Variants in MARCHF3 observed in about 807,000 individuals in gnomAD.
MARCHF3 encodes the protein E3 ubiquitin-protein ligase MARCHF3.
A neutral mutation model predicts 24.2 loss-of-function variants in MARCHF3; 13 were observed. The observed-to-expected ratio is 0.54, with a 90% CI of 0.35 to 0.85. The LOEUF (loss-of-function observed/expected upper bound fraction) is 0.85. Among genes scored for constraint, MARCHF3 ranks in the 40% least tolerant of loss-of-function variants. The probability of loss-of-function intolerance (pLI) is 0.01; values close to 1 mark genes in which losing one functional copy is unlikely to be tolerated. For missense variants in MARCHF3, 276 were observed against 325.0 expected (o/e 0.85, Z 1.16); for synonymous variants, 144 against 137.3 (o/e 1.05, Z -0.34).
intron 1 of MARCHF3, among the ~76,000 whole-genome samples, chr5:126,991,269 A>G (rs934658348): frequency 5.3e-5 from 8 of 152,182 alleles, no homozygotes; most frequent in Non-Finnish European, 1.0e-4. Context: ...GAAGCTGGAA[A>G]CCATCATTCT....
intron 1 of MARCHF3, among the ~76,000 whole-genome samples, chr5:127,002,484 A>G (rs1752161643): frequency 6.6e-6 from 1 of 152,232 alleles, no homozygotes; most frequent in Admixed American, 6.5e-5. Context: ...TACACATATA[A>G]AAGATCTACA....
chr5:126,882,131 G>A (rs1753361467), intron 3 of MARCHF3, among the ~76,000 whole-genome samples: 1 of 152,226 alleles, frequency 6.6e-6, no homozygotes, highest in African/African-American at 2.4e-5. Context: ...GAGATAGCAA[G>A]TGGGTATCAG....
At chr5:126,949,523 C>T (rs1345651073) in intron 1 of MARCHF3, among the ~76,000 whole-genome samples, 1 of 152,120 alleles carries the variant, frequency 6.6e-6, no homozygotes, top group Non-Finnish European at 1.5e-5. Context: ...GAGCTAGAAC[C>T]CTCGCTGTAA....
chr5:126,876,700 G>C (rs912271005), intron 4 of MARCHF3, among the ~76,000 whole-genome samples: 1 of 151,980 alleles, frequency 6.6e-6, no homozygotes, highest in Admixed American at 6.6e-5. Context: ...ACCAAGGCTG[G>C]AGTACAGTGG....
At chr5:127,010,207 T>C (rs1752432349) in intron 1 of MARCHF3, among the ~76,000 whole-genome samples, 1 of 152,188 alleles carries the variant, frequency 6.6e-6, no homozygotes, top group Admixed American at 6.5e-5. Context: ...TAACTACAAT[T>C]AGGTAACCAA....
chr5:126,879,090 G>C (rs887725425), intron 3 of MARCHF3, among the ~76,000 whole-genome samples: 1 of 152,168 alleles, frequency 6.6e-6, no homozygotes, highest in Admixed American at 6.5e-5. Flanking sequence ...GAATACTAAA[G>C]CTCAGGTGAG....
At chr5:127,029,150 C>T (rs972737805) in intron 1 of MARCHF3, among the ~76,000 whole-genome samples, 2 of 152,196 alleles carry the variant, frequency 1.3e-5, no homozygotes, top group East Asian at 1.9e-4. Context: ...CTCTGTGACC[C>T]AAGGGAAGTT....
At chr5:127,000,849 G>T (rs1017203075) in intron 1 of MARCHF3, among the ~76,000 whole-genome samples, 1 of 151,356 alleles carries the variant, frequency 6.6e-6, no homozygotes, top group African/African-American at 2.4e-5. Flanking sequence ...TGTAGTTTTA[G>T]TAGAGACGGG....
chr5:127,024,015 G>T (rs1334758311), intron 1 of MARCHF3, among the ~76,000 whole-genome samples: 1 of 152,140 alleles, frequency 6.6e-6, no homozygotes, highest in Non-Finnish European at 1.5e-5. Context: ...TCATGAGTCA[G>T]CTGCCTTTTC....
chr5:126,918,254 T>G, intron 1 of MARCHF3, 27 bp from the exon 2 acceptor site: 1 of 1,414,468 alleles, frequency 7.1e-7, no homozygotes, highest in Non-Finnish European at 9.4e-7. Context: ...AACAGTTTAC[T>G]TGGGCAGGGT....
chr5:126,876,538 G>A (rs1260153631), intron 4 of MARCHF3, among the ~76,000 whole-genome samples: 2 of 152,152 alleles, frequency 1.3e-5, no homozygotes, highest in Admixed American at 6.5e-5. Context: ...GAGTTAGATA[G>A]TGCTGCTTAG....
chr5:126,924,867 G>A (rs1410851347), intron 1 of MARCHF3, among the ~76,000 whole-genome samples: 1 of 152,162 alleles, frequency 6.6e-6, no homozygotes, highest in Non-Finnish European at 1.5e-5. Context: ...CCGTGGCAGG[G>A]CTGTGCTTAC....
chr5:126,872,635 G>A (rs969057913), intron 4 of MARCHF3, among the ~76,000 whole-genome samples: 1 of 152,114 alleles, frequency 6.6e-6, no homozygotes, highest in African/African-American at 2.4e-5. Context: ...TCGAGTTTCT[G>A]GAAGTAGATG....
intron 1 of MARCHF3, among the ~76,000 whole-genome samples, chr5:126,997,063 G>A (rs1431530171): frequency 6.6e-6 from 1 of 152,170 alleles, no homozygotes; most frequent in African/African-American, 2.4e-5. Flanking sequence ...CAATGAGTAA[G>A]TATTAAAGAA....
chr5:126,957,585 A>G (rs1750492379), intron 1 of MARCHF3, among the ~76,000 whole-genome samples: 1 of 152,130 alleles, frequency 6.6e-6, no homozygotes, highest in Non-Finnish European at 1.5e-5. Context: ...TATTTTTGAT[A>G]ACTTCTTTAT....
chr5:127,000,902 G>A (rs979736112), intron 1 of MARCHF3, among the ~76,000 whole-genome samples: 2 of 151,924 alleles, frequency 1.3e-5, no homozygotes. Context: ...TCCTGACCTC[G>A]TGATCCATCC....
chr5:126,875,122 A>C (rs1753105386), intron 4 of MARCHF3, among the ~76,000 whole-genome samples: 1 of 152,206 alleles, frequency 6.6e-6, no homozygotes, highest in South Asian at 2.1e-4. Context: ...ATGTGGACTC[A>C]GTTCTCAGCC....
At chr5:126,988,004 T>C (rs1476550285) in intron 1 of MARCHF3, among the ~76,000 whole-genome samples, 1 of 152,156 alleles carries the variant, frequency 6.6e-6, no homozygotes, top group Non-Finnish European at 1.5e-5. Flanking sequence ...TGTATTATTT[T>C]AGTAACTTGT....
intron 1 of MARCHF3, among the ~76,000 whole-genome samples, chr5:126,975,582 C>T (rs988424285): frequency 2.6e-5 from 4 of 152,186 alleles, no homozygotes; most frequent in Admixed American, 6.5e-5. Context: ...CCTCATCAGC[C>T]GCATTCTGCT....
Sources: gnomAD v4.1 joint callset for allele counts (sites outside exome capture counted in the v4.1 genomes callset) on GRCh38, gnomAD v4.1.1 for gene constraint, MANE v1.5 for transcripts, NCBI Gene and HGNC (gene_info 2026-07-23, HGNC 2026-07-21) for gene names.